The following KPNA6 variants were observed in gnomAD, a reference collection of about 807,000 sequenced individuals.
The protein encoded by KPNA6 is importin subunit alpha-7.
A neutral mutation model predicts 72.0 loss-of-function variants in KPNA6; 9 were observed. That is an observed-to-expected ratio of 0.13 (90% CI 0.08 to 0.22). The LOEUF (loss-of-function observed/expected upper bound fraction) is 0.22, where lower values mean the gene tolerates loss of function less well. Ranked by LOEUF, KPNA6 falls within the 10% of genes least tolerant of loss-of-function variation. The probability of loss-of-function intolerance (pLI) is 1.00; values close to 1 mark genes in which losing one functional copy is unlikely to be tolerated. For missense variants in KPNA6, 374 were observed against 655.7 expected (o/e 0.57, Z 4.69); for synonymous variants, 219 against 242.1 (o/e 0.90, Z 0.89).
intron 1 of KPNA6, among the ~76,000 whole-genome samples, chr1:32,131,243 G>A (rs374790520): frequency 6.6e-6 from 1 of 152,174 alleles, no homozygotes; most frequent in East Asian, 1.9e-4. Context: ...GCAGTGAGCC[G>A]AGATTGCGCC....
chr1:32,140,216 C>G (rs987561521), intron 1 of KPNA6, among the ~76,000 whole-genome samples: 1 of 152,070 alleles, frequency 6.6e-6, no homozygotes, highest in African/African-American at 2.4e-5. Flanking sequence ...AACCCCATCT[C>G]TACTAAAAAA....
intron 1 of KPNA6, among the ~76,000 whole-genome samples, chr1:32,120,609 C>G (rs1641415434): frequency 6.6e-6 from 1 of 152,018 alleles, no homozygotes; most frequent in South Asian, 2.1e-4. Flanking sequence ...CTCTGTCACC[C>G]AGGCTGGAGT....
intron 4 of KPNA6, 88 bp from the exon 5 acceptor site, chr1:32,158,179 G>T (rs1301727544): frequency 3.8e-6 from 3 of 780,466 alleles, no homozygotes; most frequent in Non-Finnish European, 6.5e-6. Context: ...GTGGTCAGAA[G>T]TGTCTAAGAA....
intron 1 of KPNA6, among the ~76,000 whole-genome samples, chr1:32,128,389 AT>A (rs1641573173): frequency 9.4e-5 from 3 of 32,004 alleles, no homozygotes; most frequent in South Asian, 3.0e-3. Context: ...ATATGTATTT[AT>A]ATATATATAT....
intron 6 of KPNA6, among the ~76,000 whole-genome samples, chr1:32,160,064 C>T (rs1274964059): frequency 1.3e-5 from 2 of 152,096 alleles, no homozygotes; most frequent in Non-Finnish European, 2.9e-5. Flanking sequence ...TTTGGGAGGC[C>T]GAGGTGGGCA....
At chr1:32,163,583 C>A (rs1489684560) in intron 10 of KPNA6, among the ~76,000 whole-genome samples, 1 of 152,168 alleles carries the variant, frequency 6.6e-6, no homozygotes, top group Non-Finnish European at 1.5e-5. Context: ...ACTGGACTTA[C>A]CACCTGGGAC....
At chr1:32,143,527 C>T (rs1009654826) in intron 1 of KPNA6, among the ~76,000 whole-genome samples, 8 of 146,536 alleles carry the variant, frequency 5.5e-5, no homozygotes, top group Admixed American at 4.9e-4. Context: ...GAGCCAAGAT[C>T]GCACTGCTGC....
intron 1 of KPNA6, among the ~76,000 whole-genome samples, chr1:32,131,611 CACATATATATACATATAT>C (rs1257900408): frequency 6.6e-6 from 1 of 151,392 alleles, no homozygotes; most frequent in East Asian, 1.9e-4. Flanking sequence ...TCTATACACA[CACATATATATACATATAT>C]ACATATATGT....
At chr1:32,119,032 A>ATTTTTTTTTTTTTT (rs71006332) in intron 1 of KPNA6, among the ~76,000 whole-genome samples, 3 of 40,274 alleles carry the variant, frequency 7.4e-5, no homozygotes, top group African/African-American at 1.0e-4. Context: ...ATATATATAT[A>ATTTTTTTTTTTTTT]TTTTTTTTTT....
intron 2 of KPNA6, 84 bp downstream of exon 2, chr1:32,154,805 C>G: frequency 6.8e-7 from 1 of 1,471,110 alleles, no homozygotes; most frequent in Non-Finnish European, 9.3e-7. Context: ...CCTGACTTGC[C>G]CTGTAGAAAA....
intron 2 of KPNA6, among the ~76,000 whole-genome samples, chr1:32,155,310 C>CTTTTCTTTTT (rs1553130092): frequency 2.8e-5 from 4 of 142,392 alleles, no homozygotes; most frequent in African/African-American, 1.0e-4. Flanking sequence ...GTTACCTTTT[C>CTTTTCTTTTT]TTTTCTTTTT....
At chr1:32,123,884 A>C (rs1437463812) in intron 1 of KPNA6, among the ~76,000 whole-genome samples, 1 of 151,562 alleles carries the variant, frequency 6.6e-6, no homozygotes, top group Non-Finnish European at 1.5e-5. Context: ...AAATACAAAA[A>C]TTAGCTGGGC....
chr1:32,140,123 G>A (rs894155172), intron 1 of KPNA6, among the ~76,000 whole-genome samples: 2 of 152,102 alleles, frequency 1.3e-5, no homozygotes, highest in South Asian at 2.1e-4. Context: ...CCTGGCTCAC[G>A]CCTGTAATCC....
At chr1:32,126,993 G>A (rs1570007126) in intron 1 of KPNA6, among the ~76,000 whole-genome samples, 1 of 152,170 alleles carries the variant, frequency 6.6e-6, no homozygotes, top group South Asian at 2.1e-4. Flanking sequence ...TTTCACTACA[G>A]GAGGTGAGAA....
chr1:32,110,658 AGGCCGAGGCGGG>A, intron 1 of KPNA6, among the ~76,000 whole-genome samples: 1 of 152,204 alleles, frequency 6.6e-6, no homozygotes, highest in African/African-American at 2.4e-5. Context: ...ATAATCCCAT[AGGCCGAGGCGGG>A]TGGATCACCT....
intron 12 of KPNA6, among the ~76,000 whole-genome samples, chr1:32,169,320 G>A (rs994569937): frequency 2.8e-4 from 42 of 150,614 alleles, no homozygotes; most frequent in Non-Finnish European, 1.2e-4. Context: ...AGCTGGGATC[G>A]CACCAGTGCA....
At position 32,171,156 on chromosome 1, in the gene KPNA6, G is replaced by A; in HGVS notation, c.*262G>A. The A allele has an allele frequency of 2.2e-6, 1 of 445,622 alleles. No individual in the cohort carries two copies. Among genetic ancestry groups the A allele is most frequent in the East Asian group, 3.4e-5 (1 of 29,044 alleles). The allele number at this position is 445,622 out of a possible 1,614,324, so 27.6% of individuals were successfully genotyped here. On this transcript the variant is annotated 3_prime_UTR_variant, in exon 14 of 14. Transcript: ENST00000373625. ...TTCTTCCTTACACTATATTTTGGCT[G>A]CACACATGTCTTTAACCCAGGAGCC... is the stretch of plus-strand genomic sequence containing the variant.
rs535431537 is a variant in KPNA6, at chr1:32,152,202, C to T, written c.5-2386C>T. On this transcript the variant is annotated intron_variant, in intron 1 of 13. Coordinates refer to ENST00000373625, the MANE Select transcript of KPNA6 (RefSeq NM_012316.5). ...TAAAGATTAGCCACTCATGGTAGTA[C>T]GAGCCTGTAGTCCCAGCTACTCAGG... Among the ~76,000 whole-genome samples, 27 of 152,232 alleles carry T rather than the reference C, an allele frequency of 1.8e-4. No homozygotes were observed. The East Asian group carries it at 3.9e-3, about 22-fold the overall frequency.
Position 32,174,957 on chromosome 1 carries a change from T to G in KPNA6, c.*4063T>G, listed in dbSNP as rs145583572. 1.6e-3 allele frequency: 237 copies of G among 152,366 alleles called. 1 individual carries two copies. Among genetic ancestry groups the G allele is most frequent in the African/African-American group, 5.3e-3 (222 of 41,580 alleles). The allele number at this position is 152,366 out of a possible 1,614,324, so 9.4% of individuals were successfully genotyped here. ...CAGTATGTTTTCTGTTTGAGCTTTT[T>G]CATTCTTTTGTTAAGCCAACAAGTT... is the stretch of plus-strand genomic sequence containing the variant. On this transcript the variant is annotated 3_prime_UTR_variant, in exon 14 of 14. Transcript: ENST00000373625.
Sources: gnomAD v4.1 joint callset for allele counts (sites outside exome capture counted in the v4.1 genomes callset) on GRCh38, gnomAD v4.1.1 for gene constraint, MANE v1.5 for transcripts, NCBI Gene and HGNC (gene_info 2026-07-23, HGNC 2026-07-21) for gene names.